Variants in PLXNA2 observed in about 807,000 individuals in gnomAD.
PLXNA2 encodes the protein plexin-A2.
In PLXNA2, 91 loss-of-function variants were observed where a neutral mutation model predicts 193.5. The observed-to-expected ratio is 0.47, with a 90% confidence interval of 0.40 to 0.56. The LOEUF (loss-of-function observed/expected upper bound fraction) is 0.56, where lower values mean the gene tolerates loss of function less well. PLXNA2 is among the 20% of genes least tolerant of loss of function. The probability of loss-of-function intolerance (pLI) is 0.00; values close to 1 mark genes in which losing one functional copy is unlikely to be tolerated. For missense variants in PLXNA2, 1,995 were observed against 2,503.2 expected (o/e 0.80, Z 4.33); for synonymous variants, 997 against 1,027.3 (o/e 0.97, Z 0.56).
In PLXNA2 at chr1:208,212,036, T is replaced by C. The variant is rs1670973525; in HGVS notation, c.1189-1574A>G. Among the ~76,000 whole-genome samples the C allele has an allele frequency of 2.6e-5, 4 of 152,222 alleles. No homozygotes were observed. The South Asian group carries it at 8.3e-4, about 32-fold the overall frequency. On this transcript the variant is annotated intron_variant, in intron 2 of 31. Transcript: ENST00000367033. ...ATCCTGTGGCAAAGGCTGCAGGCTC[T>C]GGGCCAGAAAGAGCCCCGCATCCTG...
rs1230899638 is a variant in PLXNA2, at chr1:208,217,716, C to T, written c.207G>A (p.Arg69=). The change falls in exon 2 of 32, where the codon CGG becomes CGA. Residue 69 remains arginine (R), a synonymous_variant. Coordinates refer to ENST00000367033, the MANE Select transcript of PLXNA2 (RefSeq NM_025179.4). This position sits in a 1 kb window ranked among gnomAD's most constrained non-coding sequence, Gnocchi z 4.7. The stretch of plus-strand genomic sequence containing the variant: ...TCAGGTTGCCTGTCAGCTTATAGAC[C>T]CGGTTGATGGCCCCCACATAGACGG... ...TGAVYVGAIN[R]VYKLTGNLTI... The T allele has an allele frequency of 1.9e-6, 3 of 1,614,138 alleles. No individual in the cohort carries two copies. Among genetic ancestry groups the T allele is most frequent in the Non-Finnish European group, 2.5e-6 (3 of 1,180,016 alleles).
At position 208,051,427 on chromosome 1, in the gene PLXNA2, A is replaced by T; in HGVS notation, c.2994-4T>A. 1 of 1,607,704 alleles carries T rather than the reference A, an allele frequency of 6.2e-7. No homozygotes were observed. Among genetic ancestry groups the T allele is most frequent in the Non-Finnish European group, 8.5e-7 (1 of 1,178,078 alleles). ...CACGATCTCACTCATTGACCTCCTG[A>T]CAGGGAGACAGCAGGAGGGTTGAGA... is the stretch of plus-strand genomic sequence containing the variant. On this transcript the variant is annotated splice_region_variant and splice_polypyrimidine_tract_variant and intron_variant, in intron 15 of 31. Coordinates refer to ENST00000367033, the MANE Select transcript of PLXNA2 (RefSeq NM_025179.4).
At chr1:208,127,775 C>T (rs950316343) in intron 4 of PLXNA2, among the ~76,000 whole-genome samples, 4 of 152,224 alleles carry the variant, frequency 2.6e-5, no homozygotes, top group South Asian at 4.1e-4. Context: ...CAGCCACTCG[C>T]TAGCCTCAAG....
intron 7 of PLXNA2, among the ~76,000 whole-genome samples, chr1:208,096,485 C>T (rs1268886108): frequency 1.3e-5 from 2 of 152,162 alleles, no homozygotes; most frequent in Non-Finnish European, 2.9e-5. Flanking sequence ...CACTCCATTC[C>T]TAGGAGGGAC....
intron 13 of PLXNA2, among the ~76,000 whole-genome samples, chr1:208,058,701 A>G (rs1665520281): frequency 6.6e-6 from 1 of 152,132 alleles, no homozygotes; most frequent in Admixed American, 6.5e-5. Context: ...GCAGGAATGC[A>G]TGGGGATTGT....
chr1:208,065,196 A>G (rs1223935742), intron 12 of PLXNA2, among the ~76,000 whole-genome samples: 1 of 152,182 alleles, frequency 6.6e-6, no homozygotes, highest in Non-Finnish European at 1.5e-5. Flanking sequence ...GGGAAACCAA[A>G]GTATGGCCAG....
At chr1:208,031,945 G>A (rs561854765) in intron 28 of PLXNA2, 186 bp from the exon 29 acceptor site, 1 of 972,746 alleles carries the variant, frequency 1.0e-6, no homozygotes, top group African/African-American at 1.8e-5. Flanking sequence ...AAACTGGGTG[G>A]GCTGTGAATC....
intron 1 of PLXNA2, among the ~76,000 whole-genome samples, chr1:208,227,128 A>G (rs1227815424): frequency 1.3e-5 from 2 of 152,250 alleles, no homozygotes; most frequent in Non-Finnish European, 2.9e-5. Context: ...AGGAAATAAA[A>G]GTAGGCATAT....
At chr1:208,192,685 G>A (rs1374477038) in intron 3 of PLXNA2, among the ~76,000 whole-genome samples, 4 of 151,874 alleles carry the variant, frequency 2.6e-5, no homozygotes, top group Non-Finnish European at 5.9e-5. Flanking sequence ...TCAGGAGTTC[G>A]AGACCAGCCT....
At chr1:208,084,716 G>A (rs1194771921) in intron 9 of PLXNA2, 136 bp from the exon 10 acceptor site, 6 of 756,540 alleles carry the variant, frequency 7.9e-6, no homozygotes, top group Non-Finnish European at 1.3e-5. Context: ...CGTGGAATGG[G>A]CAGGGAAAAT....
chr1:208,156,878 C>T (rs11118995), intron 3 of PLXNA2, among the ~76,000 whole-genome samples: 69,428 of 152,084 alleles, frequency 0.46, 16,098 homozygotes, highest in Middle Eastern at 0.53. Flanking sequence ...AAAAGCCAAA[C>T]CAGCAAGCTT....
At chr1:208,165,611 C>G (rs996185726) in intron 3 of PLXNA2, among the ~76,000 whole-genome samples, 1 of 152,180 alleles carries the variant, frequency 6.6e-6, no homozygotes, top group Non-Finnish European at 1.5e-5. Flanking sequence ...CCTCTTTCAA[C>G]TTCATCTGTC....
At chr1:208,213,062 G>T (rs1002465974) in intron 2 of PLXNA2, among the ~76,000 whole-genome samples, 1 of 152,136 alleles carries the variant, frequency 6.6e-6, no homozygotes, top group African/African-American at 2.4e-5. Flanking sequence ...TCTGGGCACA[G>T]GCGTAGCCCA....
At chr1:208,093,012 G>A in intron 8 of PLXNA2, 112 bp from the exon 9 acceptor site, 1 of 678,908 alleles carries the variant, frequency 1.5e-6, no homozygotes, top group Non-Finnish European at 2.6e-6. Context: ...TCATTCTCAG[G>A]AGGGAAGACT....
intron 3 of PLXNA2, among the ~76,000 whole-genome samples, chr1:208,202,733 T>G (rs1249865): frequency 0.76 from 114,790 of 152,032 alleles, 43,736 homozygotes; most frequent in East Asian, 0.99. Context: ...AGGTCACCTG[T>G]ATTCTGTGAG....
chr1:208,125,519 G>A (rs1298789389), intron 4 of PLXNA2, among the ~76,000 whole-genome samples: 1 of 152,192 alleles, frequency 6.6e-6, no homozygotes, highest in Non-Finnish European at 1.5e-5. Flanking sequence ...AAAGCAAGGT[G>A]ATGAGAATTT....
At chr1:208,079,182 C>T in intron 12 of PLXNA2, 78 bp downstream of exon 12, 1 of 1,275,172 alleles carries the variant, frequency 7.8e-7, no homozygotes, top group Non-Finnish European at 1.1e-6. Context: ...CACAGAGTCT[C>T]AATTTGCACT....
rs549599232 is a variant in PLXNA2 at position 208,128,851 on chromosome 1, G to A, written c.1506+13478C>T. Among the ~76,000 whole-genome samples the A allele has an allele frequency of 2.4e-4, 36 of 151,908 alleles. 2 individuals are homozygous for A. The East Asian group carries it at 5.3e-3, about 22-fold the overall frequency. ...CGAGTAGCTGGGACTACAGGTGACCGCCACCATGCCTGGCTAATTTTTTGT... is the reference window on the plus strand; with the variant it reads ...CGAGTAGCTGGGACTACAGGTGACCACCACCATGCCTGGCTAATTTTTTGT... On this transcript the variant is annotated intron_variant, in intron 4 of 31. Coordinates refer to ENST00000367033, the MANE Select transcript of PLXNA2 (RefSeq NM_025179.4).
chr1:208,100,936 A>G (rs992286711), intron 5 of PLXNA2, among the ~76,000 whole-genome samples: 5 of 152,220 alleles, frequency 3.3e-5, no homozygotes, highest in Admixed American at 6.5e-5. Flanking sequence ...CCATCGGGAC[A>G]CTAGTGATTC....
Sources: allele counts gnomAD v4.1 joint callset (sites outside exome capture counted in the v4.1 genomes callset), GRCh38; gene constraint gnomAD v4.1.1; non-coding constraint Gnocchi (gnomAD v3.1); transcripts MANE v1.5; gene names NCBI Gene and HGNC (gene_info 2026-07-23, HGNC 2026-07-21).